HDX: variants seen among roughly 807,000 people sequenced by gnomAD.
The protein encoded by HDX is chromosome X open reading frame 43.
A neutral mutation model predicts 45.2 loss-of-function variants in HDX; 19 were observed. The observed-to-expected ratio is 0.42, with a 90% confidence interval of 0.29 to 0.62. The LOEUF (loss-of-function observed/expected upper bound fraction) is 0.62, where lower values mean the gene tolerates loss of function less well. Among genes scored for constraint, HDX ranks in the 20% least tolerant of loss-of-function variants. The probability of loss-of-function intolerance (pLI) is 0.20; values close to 1 mark genes in which losing one functional copy is unlikely to be tolerated. For synonymous variants in HDX, 188 were observed against 172.8 expected (o/e 1.09, Z -0.69); for missense variants, 532 against 493.9 (o/e 1.08, Z -0.73).
At chrX:84,415,133 G>A (rs1411023131) in intron 5 of HDX, among the ~76,000 whole-genome samples, 2 of 111,766 alleles carry the variant, frequency 1.8e-5, no homozygotes, top group Non-Finnish European at 3.8e-5. Flanking sequence ...AAGAGATATG[G>A]AAACTTTCAT....
chrX:84,439,352 G>A (rs2039711040), intron 5 of HDX, among the ~76,000 whole-genome samples: 1 of 76,166 alleles, frequency 1.3e-5, no homozygotes, highest in Non-Finnish European at 2.5e-5. Context: ...TCTGTAGGTT[G>A]TCTTTTTATG....
Position 84,422,020 on chromosome X carries a change from A to C in HDX, c.1305+18512T>G, listed in dbSNP as rs776563058. Among the ~76,000 whole-genome samples the C allele has an allele frequency of 4.7e-3, 525 of 110,793 alleles. 2 individuals are homozygous for C. The highest frequency in any genetic ancestry group is 0.016 in the African/African-American group (482 of 30,488). On this transcript the variant is annotated intron_variant, in intron 5 of 10. Coordinates refer to ENST00000373177, the MANE Select transcript of HDX (RefSeq NM_001177479.2). The stretch of plus-strand genomic sequence containing the variant: ...TCTTTGAGACAAGGAACCAACAAAA[A>C]AAAAAAAAGACATAATCTTCAGTGT...
At chrX:84,492,051 CTCAAATTGT>C (rs2040903140) in intron 1 of HDX, among the ~76,000 whole-genome samples, 1 of 110,702 alleles carries the variant, frequency 9.0e-6, no homozygotes, top group Non-Finnish European at 1.9e-5. Flanking sequence ...TACACTGTTC[CTCAAATTGT>C]AGGCACCCTT....
intron 1 of HDX, among the ~76,000 whole-genome samples, chrX:84,488,365 A>ACACACAC (rs1569374816): frequency 2.0e-5 from 2 of 101,713 alleles, no homozygotes. Flanking sequence ...ACACACACAC[A>ACACACAC]ACCAGTTTTC....
intron 4 of HDX, among the ~76,000 whole-genome samples, chrX:84,456,991 C>T (rs901834809): frequency 3.5e-4 from 39 of 111,441 alleles, no homozygotes; most frequent in African/African-American, 1.2e-3. Flanking sequence ...AACAAAGAAA[C>T]ACCAGACTTA....
intron 6 of HDX, among the ~76,000 whole-genome samples, chrX:84,356,929 G>A (rs767678886): frequency 9.0e-6 from 1 of 110,766 alleles, no homozygotes; most frequent in East Asian, 2.9e-4. Flanking sequence ...CCCTCCTGTG[G>A]ATATCTTATC....
At chrX:84,350,141 T>G (rs985574422) in intron 6 of HDX, among the ~76,000 whole-genome samples, 3 of 111,595 alleles carry the variant, frequency 2.7e-5, no homozygotes, top group Non-Finnish European at 5.7e-5. Context: ...GTATGGAAAT[T>G]TTTCTGATAT....
chrX:84,415,360 C>A, intron 5 of HDX, among the ~76,000 whole-genome samples: 1 of 111,945 alleles, frequency 8.9e-6, no homozygotes, highest in South Asian at 3.7e-4. Flanking sequence ...CTTCCTATTT[C>A]TCTCAGTATC....
chrX:84,332,401 T>C (rs78901463), intron 9 of HDX, among the ~76,000 whole-genome samples: 1 of 111,431 alleles, frequency 9.0e-6, no homozygotes, highest in Non-Finnish European at 1.9e-5. Context: ...TACAATGCTC[T>C]TGAGAGTTCG....
chrX:84,341,825 A>G (rs1396371244), intron 7 of HDX, among the ~76,000 whole-genome samples: 1 of 109,133 alleles, frequency 9.2e-6, no homozygotes, highest in Non-Finnish European at 1.9e-5. Context: ...CAAACTCCCA[A>G]CTTCAAGGGA....
chrX:84,435,848 A>G (rs1188804477), intron 5 of HDX, among the ~76,000 whole-genome samples: 89 of 94,450 alleles, frequency 9.4e-4, no homozygotes, highest in Non-Finnish European at 1.8e-3. Context: ...AACTAGTTCA[A>G]CCATTGTGGA....
chrX:84,430,195 A>G (rs1449785722), intron 5 of HDX, among the ~76,000 whole-genome samples: 4 of 110,765 alleles, frequency 3.6e-5, no homozygotes, highest in Non-Finnish European at 5.7e-5. Context: ...TCCAGCCTCT[A>G]ATATCTTCTG....
chrX:84,349,830 CATG>C (rs937385693), intron 6 of HDX, among the ~76,000 whole-genome samples: 30 of 108,990 alleles, frequency 2.8e-4, no homozygotes, highest in African/African-American at 9.7e-4. Context: ...TCAAATAACA[CATG>C]ATATCACTTG....
chrX:84,499,618 G>A (rs1003451940), intron 1 of HDX, among the ~76,000 whole-genome samples: 1 of 111,899 alleles, frequency 8.9e-6, no homozygotes, highest in African/African-American at 3.2e-5. Context: ...CTACAATAAT[G>A]ATGTTCTAAT....
At chrX:84,463,440 A>G (rs1014895879) in intron 4 of HDX, among the ~76,000 whole-genome samples, 21 of 111,458 alleles carry the variant, frequency 1.9e-4, no homozygotes, top group African/African-American at 6.8e-4. Context: ...AAGTTGGAAG[A>G]CATTACCAAG....
intron 1 of HDX, among the ~76,000 whole-genome samples, chrX:84,490,411 A>G (rs1453008638): frequency 1.8e-5 from 2 of 111,819 alleles, no homozygotes; most frequent in Non-Finnish European, 3.8e-5. Context: ...TTGTGCTATT[A>G]TTGCTACACA....
chrX:84,473,968 G>C (rs1381324706), intron 3 of HDX, among the ~76,000 whole-genome samples: 1 of 112,342 alleles, frequency 8.9e-6, no homozygotes, highest in African/African-American at 3.2e-5. Flanking sequence ...ACAAATCTGA[G>C]TATGATGATT....
chrX:84,476,962 G>A (rs2040568936), intron 2 of HDX, among the ~76,000 whole-genome samples: 1 of 112,073 alleles, frequency 8.9e-6, no homozygotes, highest in African/African-American at 3.2e-5. Context: ...TTCTGAAGGG[G>A]ATCTCATTCA....
At chrX:84,385,884 G>A (rs1322013717) in intron 5 of HDX, among the ~76,000 whole-genome samples, 2 of 87,054 alleles carry the variant, frequency 2.3e-5, no homozygotes, top group African/African-American at 8.9e-5. Flanking sequence ...AGCACTTCCA[G>A]TATTATGTTA....
Sources: gnomAD v4.1 joint callset for allele counts (sites outside exome capture counted in the v4.1 genomes callset) on GRCh38, gnomAD v4.1.1 for gene constraint, MANE v1.5 for transcripts, NCBI Gene and HGNC (gene_info 2026-07-23, HGNC 2026-07-21) for gene names.